Variants in MTUS2 observed in about 807,000 individuals in gnomAD.
MTUS2 encodes microtubule associated scaffold protein 2.
Under a neutral mutation model 114.1 loss-of-function variants are expected in MTUS2, and 40 were observed. The observed-to-expected ratio is 0.35, with a 90% CI of 0.27 to 0.46. MTUS2 has a LOEUF of 0.46. Among genes scored for constraint, MTUS2 ranks in the 20% least tolerant of loss-of-function variants. The pLI, the probability that MTUS2 is intolerant of heterozygous loss-of-function variation, is 1.00. For synonymous variants in MTUS2, 688 were observed against 672.0 expected (o/e 1.02, Z -0.37); for missense variants, 1,679 against 1,705.4 (o/e 0.98, Z 0.27).
chr13:29,281,570 C>T (rs986103362), intron 5 of MTUS2, 134 bp from the exon 6 acceptor site: 7 of 943,258 alleles, frequency 7.4e-6, no homozygotes, highest in Non-Finnish European at 1.1e-5. Flanking sequence ...AAATACTTTT[C>T]AAGGTCACTC....
At chr13:29,299,642 G>C (rs1047634137) in intron 6 of MTUS2, among the ~76,000 whole-genome samples, 1 of 152,196 alleles carries the variant, frequency 6.6e-6, no homozygotes, top group Non-Finnish European at 1.5e-5. Flanking sequence ...AGTTTCCATA[G>C]AAGTGGCCGG....
In MTUS2 at chr13:29,482,691, G is replaced by A. The variant is rs369106822; in HGVS notation, c.3399+2327G>A. ...AAGTGCCCAAGGAACTGTCACACAGGTGAGAAATGCAGACAGGGTGTGGAG... is the reference window on the plus strand; with the variant it reads ...AAGTGCCCAAGGAACTGTCACACAGATGAGAAATGCAGACAGGGTGTGGAG... On this transcript the variant is annotated intron_variant, in intron 10 of 15. Transcript: ENST00000612955. 8.5e-5 allele frequency among the ~76,000 whole-genome samples: 13 copies of A among 152,378 alleles called. 1 individual carries two copies. The highest frequency in any genetic ancestry group is 3.1e-4 in the African/African-American group (13 of 41,588).
At chr13:28,957,684 G>GA (rs1883135774) in intron 2 of MTUS2, among the ~76,000 whole-genome samples, 3 of 142,736 alleles carry the variant, frequency 2.1e-5, no homozygotes, top group Non-Finnish European at 4.8e-5. Flanking sequence ...TTTGTATCTG[G>GA]AGGGGGGGGT....
At chr13:28,865,583 A>G (rs1189446370) in intron 2 of MTUS2, among the ~76,000 whole-genome samples, 3 of 152,326 alleles carry the variant, frequency 2.0e-5, no homozygotes, top group South Asian at 2.1e-4. Flanking sequence ...TTTAGCATCA[A>G]GTATCCATCA....
chr13:29,488,275 A>G (rs530776788), intron 11 of MTUS2: 7 of 460,322 alleles, frequency 1.5e-5, no homozygotes, highest in African/African-American at 1.2e-4. Context: ...CAAAAGACCA[A>G]TGCCAGCCTC....
intron 5 of MTUS2, among the ~76,000 whole-genome samples, chr13:29,145,210 A>G (rs950617256): frequency 1.3e-5 from 2 of 152,174 alleles, no homozygotes; most frequent in African/African-American, 4.8e-5. Flanking sequence ...TGTCTTAAAT[A>G]TTTCAGTTTA....
intron 2 of MTUS2, among the ~76,000 whole-genome samples, chr13:28,935,883 A>G (rs1459298891): frequency 6.6e-6 from 1 of 152,002 alleles, no homozygotes; most frequent in East Asian, 1.9e-4. Flanking sequence ...AGTAGCTGGG[A>G]CCACAGGCTT....
intron 2 of MTUS2, among the ~76,000 whole-genome samples, chr13:28,840,489 A>T (rs530367209): frequency 1.3e-5 from 2 of 152,254 alleles, no homozygotes; most frequent in East Asian, 3.8e-4. Flanking sequence ...TTATTCAGCT[A>T]TACTGATTTT....
chr13:29,201,733 T>TA (rs1894967815), intron 5 of MTUS2, among the ~76,000 whole-genome samples: 1 of 152,258 alleles, frequency 6.6e-6, no homozygotes, highest in Admixed American at 6.5e-5. Flanking sequence ...TGCTCGTCTG[T>TA]AAAGGATTTT....
chr13:28,998,572 T>A (rs536974885), intron 2 of MTUS2, among the ~76,000 whole-genome samples: 1 of 152,342 alleles, frequency 6.6e-6, no homozygotes, highest in South Asian at 2.1e-4. Flanking sequence ...CCATATTTCT[T>A]GGAGGCTTTA....
intron 2 of MTUS2, among the ~76,000 whole-genome samples, chr13:28,898,297 G>C (rs932915544): frequency 1.3e-5 from 2 of 152,206 alleles, no homozygotes; most frequent in African/African-American, 4.8e-5. Flanking sequence ...AAATTGGCTA[G>C]GTTCTGATGA....
intron 5 of MTUS2, among the ~76,000 whole-genome samples, chr13:29,158,358 C>CCCCCCCCTCTCTTT: frequency 9.4e-5 from 3 of 32,048 alleles, no homozygotes; most frequent in Admixed American, 4.2e-4. Flanking sequence ...GTCCACCCCG[C>CCCCCCCCTCTCTTT]TTTTTTTTTT....
In MTUS2 at chr13:29,033,155, G is replaced by A. The variant is rs114959585; in HGVS notation, c.2206-730G>A. On this transcript the variant is annotated intron_variant, in intron 3 of 15. Transcript: ENST00000612955. ...AAATATTTATTGACTTTAGCTATGT[G>A]CTAGACATTGTTTTTGGTGCTATGA... Among the ~76,000 whole-genome samples, 261 of 152,270 alleles carry A rather than the reference G, an allele frequency of 1.7e-3. 1 individual carries two copies. The highest frequency in any genetic ancestry group is 5.9e-3 in the African/African-American group (247 of 41,550).
At chr13:29,407,776 G>A (rs899223447) in intron 8 of MTUS2, among the ~76,000 whole-genome samples, 4 of 152,040 alleles carry the variant, frequency 2.6e-5, no homozygotes, top group Admixed American at 6.6e-5. Context: ...ACCACGCCTG[G>A]CCCTGATTGT....
intron 2 of MTUS2, among the ~76,000 whole-genome samples, chr13:28,844,165 G>A (rs1875702764): frequency 6.6e-6 from 1 of 152,212 alleles, no homozygotes; most frequent in Non-Finnish European, 1.5e-5. Context: ...GCTCACATCA[G>A]CCATTTGGTC....
intron 4 of MTUS2, among the ~76,000 whole-genome samples, chr13:29,044,087 ATCTGGTATCCTTTTTCTT>A (rs375720143): frequency 3.2e-4 from 48 of 152,090 alleles, no homozygotes; most frequent in African/African-American, 1.1e-3. Context: ...CCTCATTTTA[ATCTGGTATCCTTTTTCTT>A]CTGCCTGAAG....
chr13:28,966,151 C>T (rs772931172), intron 2 of MTUS2, among the ~76,000 whole-genome samples: 13 of 152,116 alleles, frequency 8.5e-5, no homozygotes, highest in South Asian at 2.1e-4. Flanking sequence ...CCTTTAATCA[C>T]GGGGTTATTT....
At chr13:28,820,924 A>C (rs900575936) in intron 1 of MTUS2, among the ~76,000 whole-genome samples, 3 of 152,116 alleles carry the variant, frequency 2.0e-5, no homozygotes, top group African/African-American at 7.2e-5. Context: ...ATTTGGTCTG[A>C]GTCTTCGTCT....
intron 11 of MTUS2, among the ~76,000 whole-genome samples, chr13:29,491,537 G>A (rs1392956871): frequency 7.3e-6 from 1 of 137,414 alleles, no homozygotes; most frequent in Non-Finnish European, 1.6e-5. Context: ...TGTGGTATGT[G>A]TGGGGGTGTG....
Sources: allele counts gnomAD v4.1 joint callset (sites outside exome capture counted in the v4.1 genomes callset), GRCh38; gene constraint gnomAD v4.1.1; transcripts MANE v1.5; gene names NCBI Gene and HGNC (gene_info 2026-07-23, HGNC 2026-07-21).